TMTC2: variants seen among roughly 807,000 people sequenced by gnomAD.
TMTC2 encodes transmembrane O-mannosyltransferase targeting cadherins 2, also known as protein O-mannosyl-transferase TMTC2.
A neutral mutation model predicts 82.4 loss-of-function variants in TMTC2; 43 were observed. The observed-to-expected ratio is 0.52, with a 90% CI of 0.41 to 0.67. TMTC2 has a LOEUF of 0.67. Among genes scored for constraint, TMTC2 ranks in the 30% least tolerant of loss-of-function variants. The probability of loss-of-function intolerance (pLI) is 0.00; values close to 1 mark genes in which losing one functional copy is unlikely to be tolerated. For synonymous variants in TMTC2, 408 were observed against 381.9 expected, an observed-to-expected ratio of 1.07 and a Z score of -0.80; for missense variants, 919 against 1,012.4, an observed-to-expected ratio of 0.91 and a Z score of 1.25.
At chr12:83,099,616 G>A (rs1459040780) in intron 11 of TMTC2, among the ~76,000 whole-genome samples, 2 of 152,004 alleles carry the variant, frequency 1.3e-5, no homozygotes, top group Admixed American at 6.6e-5. Context: ...GGATGTTTAT[G>A]TCTCCTGAGA....
At chr12:83,107,028 G>A (rs1489673615) in intron 11 of TMTC2, among the ~76,000 whole-genome samples, 1 of 152,182 alleles carries the variant, frequency 6.6e-6, no homozygotes, top group Non-Finnish European at 1.5e-5. Context: ...ATAATGTTTT[G>A]TGTGGTTAAT....
At chr12:82,778,885 A>T (rs1179719352) in intron 1 of TMTC2, among the ~76,000 whole-genome samples, 2 of 148,832 alleles carry the variant, frequency 1.3e-5, no homozygotes, top group Admixed American at 6.7e-5. Flanking sequence ...AAAATGCAAA[A>T]AATCAGTTGG....
intron 1 of TMTC2, among the ~76,000 whole-genome samples, chr12:82,730,911 C>T (rs73356314): frequency 6.6e-6 from 1 of 152,134 alleles, no homozygotes; most frequent in Non-Finnish European, 1.5e-5. Flanking sequence ...GTATATAAGT[C>T]GTTTTGATTA....
chr12:83,113,498 A>G (rs1246093114), intron 11 of TMTC2, among the ~76,000 whole-genome samples: 1 of 152,230 alleles, frequency 6.6e-6, no homozygotes, highest in East Asian at 1.9e-4. Flanking sequence ...GTGAACCTTT[A>G]CTATGTGAGC....
At chr12:82,902,019 A>C (rs560779881) in intron 3 of TMTC2, among the ~76,000 whole-genome samples, 1 of 152,306 alleles carries the variant, frequency 6.6e-6, no homozygotes, top group South Asian at 2.1e-4. Flanking sequence ...ACTCCAGTTA[A>C]GACAGAAAGG....
intron 1 of TMTC2, among the ~76,000 whole-genome samples, chr12:82,792,922 A>C (rs1299331495): frequency 6.6e-6 from 1 of 152,126 alleles, no homozygotes; most frequent in Non-Finnish European, 1.5e-5. Flanking sequence ...AAATGTGCTG[A>C]AGATCTAAAT....
At chr12:83,029,872 TG>T (rs1881354547) in intron 8 of TMTC2, among the ~76,000 whole-genome samples, 1 of 152,120 alleles carries the variant, frequency 6.6e-6, no homozygotes, top group Non-Finnish European at 1.5e-5. Flanking sequence ...CGTTCACCCC[TG>T]TTTTTTGCTT....
At chr12:83,086,226 G>GGC (rs1883653967) in intron 11 of TMTC2, among the ~76,000 whole-genome samples, 1 of 151,438 alleles carries the variant, frequency 6.6e-6, no homozygotes, top group Non-Finnish European at 1.5e-5. Flanking sequence ...GCCAGGCAGA[G>GGC]GCGCTCCTTA....
chr12:82,718,201 C>T (rs1234884257), intron 1 of TMTC2, among the ~76,000 whole-genome samples: 1 of 152,176 alleles, frequency 6.6e-6, no homozygotes, highest in African/African-American at 2.4e-5. Context: ...TCCATAAAGA[C>T]ACAAAACTGG....
At chr12:82,859,154 GC>G (rs1454131531) in intron 2 of TMTC2, among the ~76,000 whole-genome samples, 2 of 148,048 alleles carry the variant, frequency 1.4e-5, no homozygotes, top group Non-Finnish European at 3.0e-5. Flanking sequence ...TGCAACCTCC[GC>G]CCCCCAGGTT....
rs993879475 is a variant in TMTC2 at position 82,792,213 on chromosome 12, C to T, written c.84-64797C>T. On this transcript the variant is annotated intron_variant, in intron 1 of 11. Coordinates refer to ENST00000321196, the MANE Select transcript of TMTC2 (RefSeq NM_152588.3). The stretch of plus-strand genomic sequence containing the variant: ...TTAGCATTATTATCAAGACCGAAAA[C>T]AAAATGTTCTGTATAAAGCACCTAT... Among the ~76,000 whole-genome samples the T allele has an allele frequency of 3.9e-5, 6 of 152,046 alleles. 1 individual carries two copies. The highest frequency in any genetic ancestry group is 8.8e-5 in the Non-Finnish European group (6 of 67,998).
intron 11 of TMTC2, among the ~76,000 whole-genome samples, chr12:83,071,593 T>C (rs1161315816): frequency 1.3e-5 from 2 of 152,220 alleles, no homozygotes; most frequent in Admixed American, 6.5e-5. Context: ...TCTTTTAATG[T>C]CTGGTAGAAT....
chr12:82,879,089 A>AC (rs1386261286), intron 2 of TMTC2, among the ~76,000 whole-genome samples: 1 of 152,124 alleles, frequency 6.6e-6, no homozygotes, highest in Non-Finnish European at 1.5e-5. Flanking sequence ...CAAATTTTTG[A>AC]CCTCTTTGTC....
chr12:82,969,127 GA>G (rs1342876777), intron 7 of TMTC2, among the ~76,000 whole-genome samples: 1 of 151,770 alleles, frequency 6.6e-6, no homozygotes, highest in South Asian at 2.1e-4. Context: ...CATTTGACAA[GA>G]AAAAAAATGA....
At chr12:82,932,494 T>C (rs1481447186) in intron 4 of TMTC2, among the ~76,000 whole-genome samples, 3 of 152,182 alleles carry the variant, frequency 2.0e-5, no homozygotes, top group African/African-American at 7.2e-5. Context: ...CTTTTTCTTT[T>C]CTTGAATGAA....
At chr12:82,714,720 A>C (rs1187498895) in intron 1 of TMTC2, among the ~76,000 whole-genome samples, 1 of 152,148 alleles carries the variant, frequency 6.6e-6, no homozygotes, top group Non-Finnish European at 1.5e-5. Context: ...TTTTAAAAGG[A>C]TAATTAAAAT....
chr12:83,120,779 A>G (rs962918172), intron 11 of TMTC2, among the ~76,000 whole-genome samples: 6 of 152,132 alleles, frequency 3.9e-5, no homozygotes, highest in South Asian at 2.1e-4. Context: ...TTCTTCCTCA[A>G]AAACACTGAT....
chr12:82,835,054 G>T lies in TMTC2; in HGVS notation c.84-21956G>T, dbSNP rs536206744. 2.6e-5 allele frequency among the ~76,000 whole-genome samples: 4 copies of T among 152,092 alleles called. No homozygotes were observed. The South Asian group carries it at 6.2e-4, about 24-fold the overall frequency. On this transcript the variant is annotated intron_variant, in intron 1 of 11. Transcript: ENST00000321196. ...TTTTTGTATTTTTAGTAGAGCTAGG[G>T]TGTTGCCATGTCACCCAGGCTGGTC...
intron 1 of TMTC2, among the ~76,000 whole-genome samples, chr12:82,831,995 G>A (rs765827244): frequency 1.3e-5 from 2 of 152,128 alleles, no homozygotes; most frequent in South Asian, 2.1e-4. Context: ...GACTAAAACC[G>A]GACTCATGGC....
Sources: gnomAD v4.1 joint callset for allele counts (sites outside exome capture counted in the v4.1 genomes callset) on GRCh38, gnomAD v4.1.1 for gene constraint, MANE v1.5 for transcripts, NCBI Gene and HGNC (gene_info 2026-07-23, HGNC 2026-07-21) for gene names.